The following GALNT13 variants were observed in gnomAD, a reference collection of about 807,000 sequenced individuals.
GALNT13 encodes the protein UDP-GalNAc:polypeptide N-acetylgalactosaminyltransferase 13.
A neutral mutation model predicts 64.2 loss-of-function variants in GALNT13; 28 were observed. The ratio of observed to expected loss-of-function variants is 0.44; its 90% CI spans 0.32 to 0.60. GALNT13 has a LOEUF of 0.60. Ranked by LOEUF, GALNT13 falls within the 20% of genes least tolerant of loss-of-function variation. GALNT13 has a pLI of 0.05. For missense variants in GALNT13, 577 were observed against 669.8 expected (o/e 0.86, Z 1.53); for synonymous variants, 214 against 224.6 (o/e 0.95, Z 0.42).
chr2:154,039,307 C>A lies in GALNT13; in HGVS notation c.142+94668C>A, dbSNP rs557060264. Among the ~76,000 whole-genome samples, 2 of 101,210 alleles carry A rather than the reference C, an allele frequency of 2.0e-5. 1 individual carries two copies. The highest frequency in any genetic ancestry group is 6.2e-4 in the South Asian group (2 of 3,246). 66.4% of individuals were successfully genotyped at this position (101,210 alleles called of 152,430 possible). ...TCAGTAGATCAAAGAGTTATCTTTACCTCCATGCTTATTGCAGCACTATTC... is the reference window on the plus strand; with the variant it reads ...TCAGTAGATCAAAGAGTTATCTTTAACTCCATGCTTATTGCAGCACTATTC... On this transcript the variant is annotated intron_variant, in intron 3 of 12. Coordinates refer to ENST00000392825, the MANE Select transcript of GALNT13 (RefSeq NM_052917.4).
intron 1 of GALNT13, among the ~76,000 whole-genome samples, chr2:153,887,200 T>C (rs1055286839): frequency 3.3e-5 from 5 of 151,920 alleles, no homozygotes; most frequent in African/African-American, 7.2e-5. Context: ...ATAATTGTAA[T>C]GACATGAGAG....
At chr2:154,264,978 A>ATATAT (rs1276953303) in intron 8 of GALNT13, among the ~76,000 whole-genome samples, 3 of 150,142 alleles carry the variant, frequency 2.0e-5, no homozygotes, top group African/African-American at 7.3e-5. Context: ...GATAAAAAAA[A>ATATAT]ATATATATAT....
chr2:153,619,837 T>G, the GALNT13 span, among the ~76,000 whole-genome samples: 1 of 152,146 alleles, frequency 6.6e-6, no homozygotes, highest in South Asian at 2.1e-4. Context: ...TATTGTAGGT[T>G]ATTTGTTTCT....
the GALNT13 span, among the ~76,000 whole-genome samples, chr2:153,697,846 TC>T: frequency 6.6e-6 from 1 of 152,224 alleles, no homozygotes; most frequent in Non-Finnish European, 1.5e-5. Flanking sequence ...CATTTGCCAC[TC>T]TGGCATTGAG....
At chr2:154,048,316 A>G (rs1253546041) in intron 3 of GALNT13, among the ~76,000 whole-genome samples, 3 of 152,144 alleles carry the variant, frequency 2.0e-5, no homozygotes, top group African/African-American at 4.8e-5. Context: ...ACAATTCTGT[A>G]TGAGACTTGG....
At chr2:154,310,482 C>T (rs535882129) in intron 9 of GALNT13, among the ~76,000 whole-genome samples, 1 of 152,192 alleles carries the variant, frequency 6.6e-6, no homozygotes, top group Admixed American at 6.6e-5. Flanking sequence ...TTTACTTCTA[C>T]CTTAATATTA....
intron 12 of GALNT13, among the ~76,000 whole-genome samples, chr2:154,442,830 G>T (rs1309922751): frequency 6.6e-6 from 1 of 151,438 alleles, no homozygotes; most frequent in Non-Finnish European, 1.5e-5. Flanking sequence ...ATGCAACAAA[G>T]AAAAAAAGGG....
the GALNT13 span, among the ~76,000 whole-genome samples, chr2:153,611,114 C>A: frequency 1.5e-3 from 234 of 152,220 alleles, 1 homozygote; most frequent in Middle Eastern, 3.4e-3. Context: ...AACTGGCTAA[C>A]CATTTGAAAA....
chr2:154,398,803 A>G (rs1699169727), intron 10 of GALNT13, among the ~76,000 whole-genome samples: 1 of 152,216 alleles, frequency 6.6e-6, no homozygotes, highest in African/African-American at 2.4e-5. Flanking sequence ...TGGCAAGAAT[A>G]GTAGCCTACC....
chr2:153,456,807 C>T, the GALNT13 span, among the ~76,000 whole-genome samples: 1 of 152,156 alleles, frequency 6.6e-6, no homozygotes, highest in Admixed American at 6.5e-5. Context: ...GCTATCTCGC[C>T]TCAGAGCCTG....
At chr2:153,562,064 G>C in the GALNT13 span, among the ~76,000 whole-genome samples, 3,315 of 25,966 alleles carry the variant, frequency 0.13, 44 homozygotes, top group Middle Eastern at 0.35. Flanking sequence ...CTCTCTCTGT[G>C]TGTGTGTGTG....
intron 4 of GALNT13, among the ~76,000 whole-genome samples, chr2:154,236,798 T>C (rs1362482213): frequency 2.6e-5 from 4 of 152,062 alleles, no homozygotes; most frequent in Non-Finnish European, 5.9e-5. Context: ...TAAGACATGT[T>C]GCTAAAAGGG....
At chr2:154,267,777 T>A (rs1306704894) in intron 8 of GALNT13, among the ~76,000 whole-genome samples, 1 of 151,844 alleles carries the variant, frequency 6.6e-6, no homozygotes, top group African/African-American at 2.4e-5. Context: ...AAAAAAAAAC[T>A]CTCAAAACTC....
At chr2:153,242,169 A>G in the GALNT13 span, among the ~76,000 whole-genome samples, 2 of 152,206 alleles carry the variant, frequency 1.3e-5, no homozygotes, top group Non-Finnish European at 2.9e-5. Context: ...AATGCTGTGT[A>G]GCTCAGTAGC....
intron 8 of GALNT13, among the ~76,000 whole-genome samples, chr2:154,273,261 T>C (rs182750364): frequency 6.6e-6 from 1 of 152,252 alleles, no homozygotes; most frequent in East Asian, 1.9e-4. Flanking sequence ...CCAGGGGACA[T>C]TTGGGCTGAT....
the GALNT13 span, among the ~76,000 whole-genome samples, chr2:153,321,503 CAAA>C: frequency 1.3e-5 from 2 of 152,098 alleles, no homozygotes. Flanking sequence ...AAAAATCATA[CAAA>C]AAAGTAAAAA....
chr2:153,337,019 C>T, the GALNT13 span, among the ~76,000 whole-genome samples: 1 of 152,134 alleles, frequency 6.6e-6, no homozygotes, highest in Non-Finnish European at 1.5e-5. Context: ...GTGCCGTTTG[C>T]CTCCTACCAT....
the GALNT13 span, among the ~76,000 whole-genome samples, chr2:153,471,723 AG>A: frequency 6.6e-6 from 1 of 152,122 alleles, no homozygotes; most frequent in East Asian, 1.9e-4. Flanking sequence ...TCTGTCTCTT[AG>A]GGTTTCAGCT....
chr2:153,592,757 T>C, the GALNT13 span: 1 of 151,978 alleles, frequency 6.6e-6, no homozygotes, highest in Non-Finnish European at 1.5e-5. Flanking sequence ...ATACTGCGAG[T>C]GCCCCAACTG....
Sources: gnomAD v4.1 joint callset for allele counts (sites outside exome capture counted in the v4.1 genomes callset) on GRCh38, gnomAD v4.1.1 for gene constraint, MANE v1.5 for transcripts, NCBI Gene and HGNC (gene_info 2026-07-23, HGNC 2026-07-21) for gene names.